PRKCB: variants seen among roughly 807,000 people sequenced by gnomAD.
PRKCB encodes protein kinase C beta, also known as protein kinase C beta type.
A neutral mutation model predicts 81.5 loss-of-function variants in PRKCB; 13 were observed. The ratio of observed to expected loss-of-function variants is 0.16; its 90% CI spans 0.10 to 0.25. PRKCB has a LOEUF of 0.25. PRKCB is among the 10% of genes least tolerant of loss of function. The pLI is 1.00. For missense variants in PRKCB, 509 were observed against 875.7 expected, an observed-to-expected ratio of 0.58 and a Z score of 5.29; for synonymous variants, 335 against 321.4, an observed-to-expected ratio of 1.04 and a Z score of -0.45.
chr16:24,076,742 G>A (rs1348450846), intron 5 of PRKCB, among the ~76,000 whole-genome samples: 1 of 152,184 alleles, frequency 6.6e-6, no homozygotes, highest in Non-Finnish European at 1.5e-5. Flanking sequence ...TTGCTCTCAG[G>A]GAGCCGGAGT....
intron 16 of PRKCB, 191 bp downstream of exon 16, chr16:24,191,421 C>A: frequency 2.0e-5 from 11 of 553,200 alleles, no homozygotes; most frequent in Non-Finnish European, 2.8e-5. Flanking sequence ...CCAGCTTAGT[C>A]TCTATAAAGA....
intron 3 of PRKCB, among the ~76,000 whole-genome samples, chr16:24,004,491 A>AG (rs1567341203): frequency 6.6e-6 from 1 of 151,060 alleles, no homozygotes; most frequent in African/African-American, 2.4e-5. Context: ...AAAAAAAAAA[A>AG]AAAAAAAGAA....
At chr16:24,041,032 G>A (rs1015916930) in intron 5 of PRKCB, among the ~76,000 whole-genome samples, 2 of 151,300 alleles carry the variant, frequency 1.3e-5, no homozygotes, top group Non-Finnish European at 2.9e-5. Flanking sequence ...TGAAGCCTGC[G>A]TGTTCATACA....
At chr16:24,045,227 T>A (rs905108480) in intron 5 of PRKCB, among the ~76,000 whole-genome samples, 1 of 151,780 alleles carries the variant, frequency 6.6e-6, no homozygotes, top group Non-Finnish European at 1.5e-5. Context: ...TGATGGGGTG[T>A]TGGTTGCTTG....
chr16:23,978,006 A>C (rs892965497), intron 2 of PRKCB, among the ~76,000 whole-genome samples: 1 of 152,094 alleles, frequency 6.6e-6, no homozygotes, highest in African/African-American at 2.4e-5. Context: ...ATCTGATCTC[A>C]CCTTCACAAC....
intron 2 of PRKCB, among the ~76,000 whole-genome samples, chr16:23,964,349 CTGTT>C (rs1348603489): frequency 6.6e-6 from 1 of 152,182 alleles, no homozygotes; most frequent in Non-Finnish European, 1.5e-5. Flanking sequence ...ACAGCTGTGC[CTGTT>C]TGTTTATGCC....
At chr16:23,963,651 C>T (rs960274379) in intron 2 of PRKCB, 1 of 152,106 alleles carries the variant, frequency 6.6e-6, no homozygotes, top group Non-Finnish European at 1.5e-5. Context: ...ACTAGGGTGC[C>T]GAGGTGATGT....
intron 9 of PRKCB, among the ~76,000 whole-genome samples, chr16:24,144,267 C>T (rs892951076): frequency 1.3e-5 from 2 of 152,054 alleles, no homozygotes; most frequent in African/African-American, 2.4e-5. Context: ...TATATGCATA[C>T]ATGTACACAT....
At chr16:23,927,799 G>A (rs1185260783) in intron 2 of PRKCB, among the ~76,000 whole-genome samples, 1 of 152,014 alleles carries the variant, frequency 6.6e-6, no homozygotes, top group Non-Finnish European at 1.5e-5. Flanking sequence ...TTTTGACAGA[G>A]ATAGAACCAT....
At chr16:23,860,332 C>T (rs1466998337) in intron 2 of PRKCB, among the ~76,000 whole-genome samples, 1 of 151,974 alleles carries the variant, frequency 6.6e-6, no homozygotes, top group Non-Finnish European at 1.5e-5. Context: ...GCAGAGAATA[C>T]AAGAAGAAGA....
chr16:24,193,627 T>G (rs1596592485), intron 16 of PRKCB, among the ~76,000 whole-genome samples: 1 of 152,166 alleles, frequency 6.6e-6, no homozygotes, highest in Middle Eastern at 3.4e-3. Flanking sequence ...GAGAATCATC[T>G]CTTTAAGTGG....
At chr16:23,903,812 C>T (rs1474110769) in intron 2 of PRKCB, among the ~76,000 whole-genome samples, 1 of 152,148 alleles carries the variant, frequency 6.6e-6, no homozygotes, top group Non-Finnish European at 1.5e-5. Context: ...CAGGCCCTTG[C>T]TAACATCCTG....
intron 5 of PRKCB, among the ~76,000 whole-genome samples, chr16:24,048,309 G>A (rs138548507): frequency 6.6e-6 from 1 of 152,234 alleles, no homozygotes; most frequent in East Asian, 1.9e-4. Context: ...AGAGAAAGAG[G>A]TTAAATAACT....
intron 9 of PRKCB, among the ~76,000 whole-genome samples, chr16:24,150,159 C>T (rs1010057409): frequency 6.6e-6 from 1 of 152,038 alleles, no homozygotes; most frequent in Non-Finnish European, 1.5e-5. Flanking sequence ...GGTGAAACCC[C>T]ATTTCTACTA....
chr16:24,175,290 T>C (rs1967510474), intron 12 of PRKCB, among the ~76,000 whole-genome samples: 2 of 152,092 alleles, frequency 1.3e-5, no homozygotes, highest in South Asian at 4.2e-4. Context: ...GCATTTGGCA[T>C]GGGTGGGGGT....
intron 2 of PRKCB, among the ~76,000 whole-genome samples, chr16:23,913,634 G>A (rs565996589): frequency 1.3e-4 from 20 of 152,322 alleles, no homozygotes; most frequent in Non-Finnish European, 2.4e-4. Context: ...GAGTCTGAAC[G>A]GTGATATCTT....
chr16:23,922,218 C>A (rs999474387), intron 2 of PRKCB, among the ~76,000 whole-genome samples: 3 of 152,114 alleles, frequency 2.0e-5, no homozygotes, highest in African/African-American at 7.2e-5. Flanking sequence ...GGCAGGAGAC[C>A]TAAATGAGTG....
At chr16:24,040,036 C>A (rs144204442) in intron 5 of PRKCB, among the ~76,000 whole-genome samples, 1,860 of 152,248 alleles carry the variant, frequency 0.012, 13 homozygotes, top group Non-Finnish European at 0.019. Flanking sequence ...GACCATCAGC[C>A]CAGGACACTG....
intron 15 of PRKCB, among the ~76,000 whole-genome samples, chr16:24,189,510 T>G (rs544828477): frequency 6.6e-6 from 1 of 151,514 alleles, no homozygotes; most frequent in South Asian, 2.1e-4. Context: ...GGCATGGTGG[T>G]GGGCGCCTGT....
Sources: allele counts gnomAD v4.1 joint callset (sites outside exome capture counted in the v4.1 genomes callset), GRCh38; gene constraint gnomAD v4.1.1; transcripts MANE v1.5; gene names NCBI Gene and HGNC (gene_info 2026-07-23, HGNC 2026-07-21).